GABPB2: variants seen among roughly 807,000 people sequenced by gnomAD.
The protein encoded by GABPB2 is GA-binding protein subunit beta-2.
GABPB2 carries 23 observed loss-of-function variants against 39.1 expected under a neutral mutation model. The ratio of observed to expected loss-of-function variants is 0.59; its 90% CI spans 0.42 to 0.83. GABPB2 has a LOEUF of 0.83. Ranked by LOEUF, GABPB2 falls within the 40% of genes least tolerant of loss-of-function variation. The pLI, the probability that GABPB2 is intolerant of heterozygous loss-of-function variation, is 0.00. For missense variants in GABPB2, 467 were observed against 541.1 expected (o/e 0.86, Z 1.36); for synonymous variants, 184 against 199.3 (o/e 0.92, Z 0.65).
chr1:151,098,291 ATTGC>A (rs1679257794), intron 5 of GABPB2, among the ~76,000 whole-genome samples: 1 of 152,116 alleles, frequency 6.6e-6, no homozygotes, highest in Non-Finnish European at 1.5e-5. Flanking sequence ...AGGTGGGAAG[ATTGC>A]TTGAGGCCAC....
intron 1 of GABPB2, among the ~76,000 whole-genome samples, chr1:151,084,261 G>A (rs1160647142): frequency 6.6e-6 from 1 of 151,212 alleles, no homozygotes; most frequent in Admixed American, 6.6e-5. Context: ...TTTCACTCTT[G>A]TTGCTCAGGC....
At chr1:151,078,834 A>G (rs1018717687) in intron 1 of GABPB2, among the ~76,000 whole-genome samples, 1 of 151,502 alleles carries the variant, frequency 6.6e-6, no homozygotes, top group Non-Finnish European at 1.5e-5. Flanking sequence ...CAGGCGGGGT[A>G]GTAAAATTTT....
chr1:151,081,279 A>G (rs1454093883), intron 1 of GABPB2, among the ~76,000 whole-genome samples: 2 of 150,762 alleles, frequency 1.3e-5, no homozygotes, highest in Non-Finnish European at 2.9e-5. Flanking sequence ...ACTTGAGTTC[A>G]GGAGTTTGAG....
intron 6 of GABPB2, among the ~76,000 whole-genome samples, chr1:151,104,802 T>TTTCTTTCTTTCTTTCTTTCC (rs10638922): frequency 3.6e-5 from 5 of 139,360 alleles, no homozygotes; most frequent in Non-Finnish European, 7.6e-5. Context: ...TCTTTCTTTC[T>TTTCTTTCTTTCTTTCTTTCC]TTTCTTTCTT....
intron 2 of GABPB2, 110 bp from the exon 3 acceptor site, chr1:151,090,296 C>T: frequency 9.4e-7 from 1 of 1,065,148 alleles, no homozygotes; most frequent in Non-Finnish European, 1.3e-6. Flanking sequence ...TCTGCCCAAC[C>T]AGATTCTCTC....
At chr1:151,109,130 G>A (rs1225526037) in intron 7 of GABPB2, among the ~76,000 whole-genome samples, 2 of 151,894 alleles carry the variant, frequency 1.3e-5, no homozygotes, top group Admixed American at 6.6e-5. Flanking sequence ...GCTCAAGGTC[G>A]CAGTATGCTA....
intron 5 of GABPB2, among the ~76,000 whole-genome samples, chr1:151,101,219 C>T (rs1419605471): frequency 2.0e-5 from 3 of 152,072 alleles, no homozygotes; most frequent in Non-Finnish European, 2.9e-5. Context: ...TACCACTGCA[C>T]TGCAGCCTGG....
chr1:151,118,514 A>T lies in GABPB2; in HGVS notation c.*258A>T, dbSNP rs1037123534. The T allele has an allele frequency of 2.7e-6, 1 of 371,176 alleles. No individual in the cohort carries two copies. The highest frequency in any genetic ancestry group is 4.8e-6 in the Non-Finnish European group (1 of 206,506). The allele number at this position is 371,176 out of a possible 1,614,324, so 23.0% of individuals were successfully genotyped here. A position where few individuals can be genotyped will look rare whatever the true frequency, so the allele number is the denominator to read the frequency against. ...ATATCATTGCTTTAAACATAGAAGT[A>T]AAAGAATACTGCATGTTGTGGGTTG... On this transcript the variant is annotated 3_prime_UTR_variant, in exon 9 of 9. Coordinates refer to ENST00000368918, the MANE Select transcript of GABPB2 (RefSeq NM_144618.3).
At chr1:151,100,143 CT>C (rs587754459) in intron 5 of GABPB2, among the ~76,000 whole-genome samples, 12,120 of 138,710 alleles carry the variant, frequency 0.087, 295 homozygotes, top group African/African-American at 0.14. Flanking sequence ...ATTAAAACAA[CT>C]TTTTTTTTTT....
Position 151,088,276 on chromosome 1 carries a change from C to T in GABPB2, c.87C>T (p.Gly29=), listed in dbSNP as rs749954217. 11 of 1,613,174 alleles carry T rather than the reference C, an allele frequency of 6.8e-6. No homozygotes were observed. The highest frequency in any genetic ancestry group is 2.2e-5 in the South Asian group (2 of 90,990). Residue 29 remains glycine, a synonymous_variant, in exon 2 of 9, where the codon GGC becomes GGT. Coordinates refer to ENST00000368918, the MANE Select transcript of GABPB2 (RefSeq NM_144618.3). ...AAGTGAGAACGTTGATGGCAAATGGCGCCCCATTCACCACAGACTGGGTAA... is the reference window on the plus strand; with the variant it reads ...AAGTGAGAACGTTGATGGCAAATGGTGCCCCATTCACCACAGACTGGGTAA... The part of the protein sequence containing the change: ...DDEVRTLMAN[G]APFTTDWLGT...
In GABPB2 at chr1:151,097,904, C is replaced by G. The variant is rs1049677763; in HGVS notation, c.524C>G (p.Thr175Ser). The part of the protein sequence containing the change: ...NVNPERANPV[T>S]DPVSMAAPFI... ...AATCCAGAGAGAGCCAACCCTGTGA[C>G]TGACCCTGTGAGTATGGCTGCTCCA... Residue 175 changes from threonine to serine, a missense_variant, in exon 5 of 9, where the codon ACT (threonine) becomes AGT (serine). Transcript: ENST00000368918. 1.2e-6 allele frequency: 2 copies of G among 1,614,026 alleles called. No homozygotes were observed. Among genetic ancestry groups the G allele is most frequent in the Non-Finnish European group, 1.7e-6 (2 of 1,179,882 alleles).
intron 1 of GABPB2, among the ~76,000 whole-genome samples, chr1:151,077,391 T>A (rs1239646667): frequency 8.2e-6 from 1 of 122,122 alleles, no homozygotes; most frequent in Non-Finnish European, 1.6e-5. Flanking sequence ...GGAGTCTCAC[T>A]CTCTCACCAG....
chr1:151,088,403 T>C, intron 2 of GABPB2, 106 bp downstream of exon 2: 1 of 1,233,748 alleles, frequency 8.1e-7, no homozygotes, highest in South Asian at 1.4e-5. Context: ...CCTTTCTACC[T>C]CATATCCCTT....
At chr1:151,088,131 G>A in intron 1 of GABPB2, 59 bp from the exon 2 acceptor site, 2 of 1,185,790 alleles carry the variant, frequency 1.7e-6, no homozygotes, top group East Asian at 4.7e-5. Flanking sequence ...AAATGTATTG[G>A]CGGCTTTCCT....
At chr1:151,076,042 C>T (rs1330064268) in intron 1 of GABPB2, among the ~76,000 whole-genome samples, 1 of 152,138 alleles carries the variant, frequency 6.6e-6, no homozygotes, top group Non-Finnish European at 1.5e-5. Context: ...GAGAGCTATT[C>T]ATAACTCCAA....
At chr1:151,071,767 C>T (rs1300702499) in intron 1 of GABPB2, among the ~76,000 whole-genome samples, 2 of 152,152 alleles carry the variant, frequency 1.3e-5, no homozygotes, top group East Asian at 3.9e-4. Context: ...CCACGGCTCC[C>T]GGCCTCGCCT....
chr1:151,078,824 C>CA (rs1677410341), intron 1 of GABPB2, among the ~76,000 whole-genome samples: 1 of 151,324 alleles, frequency 6.6e-6, no homozygotes, highest in African/African-American at 2.4e-5. Context: ...ATTTTTAGTA[C>CA]AGGCGGGGTA....
intron 5 of GABPB2, among the ~76,000 whole-genome samples, chr1:151,099,861 T>G (rs897843355): frequency 2.0e-5 from 3 of 152,240 alleles, no homozygotes; most frequent in African/African-American, 7.2e-5. Flanking sequence ...TTTATGAGGT[T>G]GTTGTGAGAG....
At chr1:151,079,403 G>C (rs587717141) in intron 1 of GABPB2, among the ~76,000 whole-genome samples, 1 of 152,102 alleles carries the variant, frequency 6.6e-6, no homozygotes, top group South Asian at 2.1e-4. Context: ...TTAGCCAGGC[G>C]TGGTAGTAGG....
Sources: gnomAD v4.1 joint callset for allele counts (sites outside exome capture counted in the v4.1 genomes callset) on GRCh38, gnomAD v4.1.1 for gene constraint, MANE v1.5 for transcripts, NCBI Gene and HGNC (gene_info 2026-07-23, HGNC 2026-07-21) for gene names.